UBR1: variants seen among roughly 807,000 people sequenced by gnomAD.
The protein encoded by UBR1 is ubiquitin protein ligase E3 component n-recognin 1.
UBR1 carries 102 observed loss-of-function variants against 242.1 expected under a neutral mutation model. The ratio of observed to expected loss-of-function variants is 0.42; its 90% CI spans 0.36 to 0.50. The LOEUF is 0.50. Among genes scored for constraint, UBR1 ranks in the 20% least tolerant of loss-of-function variants. UBR1 has a pLI of 0.01. For missense variants in UBR1, 1,772 were observed against 2,101.8 expected (o/e 0.84, Z 3.07); for synonymous variants, 675 against 684.8 (o/e 0.99, Z 0.22).
chr15:43,037,286 T>C (rs1056417521), intron 17 of UBR1, among the ~76,000 whole-genome samples: 2 of 149,574 alleles, frequency 1.3e-5, no homozygotes, highest in Non-Finnish European at 3.0e-5. Flanking sequence ...AGGCAGAGGT[T>C]GCAGTGAGCT....
chr15:43,074,125 T>A (rs910444075), intron 4 of UBR1, among the ~76,000 whole-genome samples: 15 of 152,340 alleles, frequency 9.8e-5, no homozygotes, highest in Admixed American at 3.3e-4. Flanking sequence ...TACTATCTGA[T>A]AAGATAATCC....
intron 20 of UBR1, 142 bp downstream of exon 20, chr15:43,032,426 T>C: frequency 3.3e-6 from 2 of 597,972 alleles, no homozygotes; most frequent in Non-Finnish European, 5.7e-6. Flanking sequence ...AAAATAAAAA[T>C]GTAAAATCTG....
At chr15:43,101,388 A>T (rs2034232259) in intron 1 of UBR1, among the ~76,000 whole-genome samples, 1 of 152,202 alleles carries the variant, frequency 6.6e-6, no homozygotes, top group Non-Finnish European at 1.5e-5. Context: ...AAGACAACAG[A>T]GAGTGACTTG....
intron 3 of UBR1, among the ~76,000 whole-genome samples, chr15:43,076,298 C>A (rs2033891984): frequency 6.6e-6 from 1 of 152,218 alleles, no homozygotes; most frequent in African/African-American, 2.4e-5. Context: ...GGTGCCCAGG[C>A]TGGAGTGCAG....
At chr15:42,985,053 T>C (rs1332422741) in intron 35 of UBR1, 111 bp from the exon 36 acceptor site, 2 of 919,518 alleles carry the variant, frequency 2.2e-6, no homozygotes, top group Non-Finnish European at 3.2e-6. Flanking sequence ...ATGATTTGCA[T>C]TTTTCCCCTT....
intron 6 of UBR1, among the ~76,000 whole-genome samples, chr15:43,062,213 C>T (rs951609954): frequency 6.6e-6 from 1 of 152,062 alleles, no homozygotes; most frequent in African/African-American, 2.4e-5. Context: ...GCATTATCCA[C>T]AATAGCAGAA....
intron 27 of UBR1, 117 bp from the exon 28 acceptor site, chr15:43,017,298 T>G (rs933779847): frequency 2.8e-6 from 2 of 721,186 alleles, no homozygotes; most frequent in Admixed American, 4.3e-5. Context: ...TCACTTAAAC[T>G]ATTTCAATAT....
chr15:42,989,043 G>T, intron 34 of UBR1, 76 bp from the exon 35 acceptor site: 2 of 1,276,222 alleles, frequency 1.6e-6, no homozygotes, highest in Non-Finnish European at 2.2e-6. Context: ...AAGTCCTGAA[G>T]CAACAGAAAC....
intron 16 of UBR1, 98 bp from the exon 17 acceptor site, chr15:43,037,981 ATGGAAGAG>A: frequency 2.4e-6 from 3 of 1,268,358 alleles, no homozygotes; most frequent in Non-Finnish European, 3.4e-6. Flanking sequence ...CACGTGAAAA[ATGGAAGAG>A]CTTGAACTAG....
intron 1 of UBR1, among the ~76,000 whole-genome samples, chr15:43,104,701 TA>T (rs1218487633): frequency 0.033 from 4,764 of 146,222 alleles, 250 homozygotes; most frequent in African/African-American, 0.11. Context: ...TATGCAGGGT[TA>T]AAAAAAAAAA....
intron 1 of UBR1, among the ~76,000 whole-genome samples, chr15:43,087,656 G>A (rs1284751214): frequency 2.0e-5 from 3 of 152,076 alleles, no homozygotes; most frequent in Non-Finnish European, 4.4e-5. Context: ...TTTGTAGACA[G>A]TTATTAAAAT....
chr15:43,073,253 A>G (rs1567143886), intron 4 of UBR1, among the ~76,000 whole-genome samples: 1 of 152,236 alleles, frequency 6.6e-6, no homozygotes, highest in Non-Finnish European at 1.5e-5. Context: ...AGGTGATGAC[A>G]GTATGATAAC....
chr15:43,033,390 A>G (rs900876813), intron 19 of UBR1, among the ~76,000 whole-genome samples: 52 of 152,320 alleles, frequency 3.4e-4, no homozygotes, highest in African/African-American at 1.2e-3. Flanking sequence ...GCGCCCCTGT[A>G]ATCCCAGCAA....
At chr15:42,999,502 G>A (rs1170223765) in intron 32 of UBR1, among the ~76,000 whole-genome samples, 2 of 152,094 alleles carry the variant, frequency 1.3e-5, no homozygotes, top group African/African-American at 4.8e-5. Flanking sequence ...TAAAATGGAC[G>A]TAAGGACAGG....
chr15:43,081,197 T>G (rs898395824), intron 3 of UBR1, among the ~76,000 whole-genome samples: 1 of 151,912 alleles, frequency 6.6e-6, no homozygotes, highest in Non-Finnish European at 1.5e-5. Flanking sequence ...GGCGGGTGGA[T>G]CACAAGGTCA....
chr15:42,972,316 G>C (rs2032219945), intron 39 of UBR1, among the ~76,000 whole-genome samples: 1 of 152,010 alleles, frequency 6.6e-6, no homozygotes, highest in African/African-American at 2.4e-5. Flanking sequence ...GCTAGTAATA[G>C]GCATTTAGGT....
At chr15:43,021,883 T>C (rs1333054086) in intron 26 of UBR1, among the ~76,000 whole-genome samples, 1 of 152,214 alleles carries the variant, frequency 6.6e-6, no homozygotes, top group Non-Finnish European at 1.5e-5. Context: ...TCTGCAATTA[T>C]ATGAAGTACT....
At chr15:43,104,639 C>G (rs12913112) in intron 1 of UBR1, among the ~76,000 whole-genome samples, 83,990 of 151,722 alleles carry the variant, frequency 0.55, 27,298 homozygotes, top group Non-Finnish European at 0.71. Context: ...TGACTCATGC[C>G]GTAGCTCCCT....
At chr15:43,032,055 A>G (rs2033264667) in intron 20 of UBR1, among the ~76,000 whole-genome samples, 2 of 152,154 alleles carry the variant, frequency 1.3e-5, no homozygotes, top group South Asian at 2.1e-4. Flanking sequence ...ACAAAACAAA[A>G]CAGAACAAGA....
Sources: allele counts gnomAD v4.1 joint callset (sites outside exome capture counted in the v4.1 genomes callset), GRCh38; gene constraint gnomAD v4.1.1; transcripts MANE v1.5; gene names NCBI Gene and HGNC (gene_info 2026-07-23, HGNC 2026-07-21).